DNAH6: variants seen among roughly 807,000 people sequenced by gnomAD.
The protein encoded by DNAH6 is axonemal beta dynein heavy chain 6.
Under a neutral mutation model 491.4 loss-of-function variants are expected in DNAH6, and 340 were observed. The observed-to-expected ratio is 0.69, with a 90% confidence interval of 0.63 to 0.76. DNAH6 has a LOEUF of 0.76. Among genes scored for constraint, DNAH6 ranks in the 30% least tolerant of loss-of-function variants. DNAH6 has a pLI of 0.00. For synonymous variants in DNAH6, 1,603 were observed against 1,686.1 expected (o/e 0.95, Z 1.21); for missense variants, 4,443 against 4,972.2 (o/e 0.89, Z 3.20).
Position 84,604,320 on chromosome 2 carries a change from G to A in DNAH6, c.2869-19G>A. The A allele has an allele frequency of 6.5e-7, 1 of 1,536,550 alleles. No individual in the cohort carries two copies. ...TTAAGATAAAAAGCTTCATGTCTCT[G>A]AGAGTGTTTGTTTTTCAGCTTCCAG... On this transcript the variant is annotated intron_variant, in intron 18 of 76. Transcript: ENST00000389394.
intron 29 of DNAH6, among the ~76,000 whole-genome samples, chr2:84,628,272 A>G (rs1015582009): frequency 1.3e-5 from 2 of 152,158 alleles, no homozygotes; most frequent in Non-Finnish European, 2.9e-5. Context: ...TTCTAAGCAA[A>G]ACAAGATTGT....
chr2:84,747,731 G>A (rs1454595285), intron 63 of DNAH6, among the ~76,000 whole-genome samples: 2 of 152,184 alleles, frequency 1.3e-5, no homozygotes, highest in Non-Finnish European at 2.9e-5. Flanking sequence ...TCTCTATGGG[G>A]ATCCCACCCC....
chr2:84,813,268 C>G, intron 74 of DNAH6, 138 bp downstream of exon 74: 1 of 667,748 alleles, frequency 1.5e-6, no homozygotes, highest in South Asian at 1.9e-5. Context: ...CTAACAAGGT[C>G]GTGCTCTTCC....
intron 16 of DNAH6, among the ~76,000 whole-genome samples, chr2:84,590,394 C>G (rs1683996203): frequency 6.7e-6 from 1 of 150,004 alleles, no homozygotes; most frequent in South Asian, 2.1e-4. Flanking sequence ...ACTTGGGAGG[C>G]TGAGGCAGGA....
intron 63 of DNAH6, chr2:84,751,338 G>A (rs1014926449): frequency 3.3e-5 from 5 of 152,202 alleles, no homozygotes; most frequent in Admixed American, 6.5e-5. Flanking sequence ...GTTCACAAGC[G>A]GAGCTTATTG....
chr2:84,620,026 T>G, intron 24 of DNAH6, 122 bp downstream of exon 24: 2 of 893,008 alleles, frequency 2.2e-6, no homozygotes, highest in African/African-American at 3.4e-5. Flanking sequence ...CAAGATAAAA[T>G]TCTTGCCCTC....
chr2:84,525,242 A>C (rs922198641), intron 2 of DNAH6, among the ~76,000 whole-genome samples: 6 of 152,122 alleles, frequency 3.9e-5, no homozygotes, highest in African/African-American at 1.4e-4. Flanking sequence ...TAGCAGTATT[A>C]GTAAATGATG....
At chr2:84,758,724 A>T (rs1674289626) in intron 63 of DNAH6, among the ~76,000 whole-genome samples, 1 of 152,218 alleles carries the variant, frequency 6.6e-6, no homozygotes, top group Non-Finnish European at 1.5e-5. Flanking sequence ...TCAGAAAAGC[A>T]TTGATAAAAT....
chr2:84,694,122 T>A (rs924226096), intron 45 of DNAH6, 127 bp from the exon 46 acceptor site: 8 of 749,004 alleles, frequency 1.1e-5, no homozygotes, highest in Admixed American at 2.6e-5. Context: ...CAGCCTGCTC[T>A]TCCCTTGCAG....
intron 34 of DNAH6, among the ~76,000 whole-genome samples, chr2:84,654,104 GAGAGAGAA>G (rs1277587505): frequency 6.6e-6 from 1 of 152,064 alleles, no homozygotes; most frequent in Non-Finnish European, 1.5e-5. Context: ...GAGAGAGGGA[GAGAGAGAA>G]AGAGAGAGAG....
intron 18 of DNAH6, among the ~76,000 whole-genome samples, chr2:84,601,868 C>T (rs1367235158): frequency 6.6e-6 from 1 of 151,752 alleles, no homozygotes; most frequent in East Asian, 1.9e-4. Flanking sequence ...ATTCATACCA[C>T]TTTTTCAATA....
chr2:84,461,930 G>A, the DNAH6 span, among the ~76,000 whole-genome samples: 3 of 152,120 alleles, frequency 2.0e-5, no homozygotes, highest in African/African-American at 7.2e-5. Flanking sequence ...CATCCCAGCC[G>A]GCTCAGATAA....
rs80004176 is a variant in DNAH6 at position 84,566,781 on chromosome 2, T to C, written c.1804-6686T>C. On this transcript the variant is annotated intron_variant, in intron 11 of 76. Coordinates refer to ENST00000389394, the MANE Select transcript of DNAH6 (RefSeq NM_001370.2). ...ACACTCTATAATTAAAAGAACGTGG[T>C]ACTGGCACATGAATAGCTGTCAGAC... 6.0e-3 allele frequency among the ~76,000 whole-genome samples: 918 copies of C among 152,204 alleles called. 5 individuals carry two copies. The highest frequency in any genetic ancestry group is 9.2e-3 in the Non-Finnish European group (628 of 67,920).
the DNAH6 span, among the ~76,000 whole-genome samples, chr2:84,464,225 C>T: frequency 6.6e-6 from 1 of 152,222 alleles, no homozygotes; most frequent in South Asian, 2.1e-4. Flanking sequence ...TCAGCTCTCT[C>T]TGGGCTCTTC....
At chr2:84,789,376 A>G (rs567761709) in intron 68 of DNAH6, among the ~76,000 whole-genome samples, 15 of 152,366 alleles carry the variant, frequency 9.8e-5, no homozygotes, top group South Asian at 4.1e-4. Context: ...TCTTACATCC[A>G]GATCAGAGGC....
intron 9 of DNAH6, 150 bp downstream of exon 9, chr2:84,550,207 C>T: frequency 4.7e-6 from 3 of 640,068 alleles, no homozygotes; most frequent in Middle Eastern, 8.7e-4. Context: ...ACACCAGAGA[C>T]CAGTTTCATG....
At chr2:84,776,932 A>G (rs1338559022) in intron 64 of DNAH6, among the ~76,000 whole-genome samples, 1 of 152,234 alleles carries the variant, frequency 6.6e-6, no homozygotes, top group Non-Finnish European at 1.5e-5. Flanking sequence ...GGATGAGTTC[A>G]TGTCCTTTGT....
chr2:84,620,015 C>T (rs984256254), intron 24 of DNAH6, 111 bp downstream of exon 24: 2 of 976,106 alleles, frequency 2.0e-6, no homozygotes, highest in Non-Finnish European at 3.0e-6. Flanking sequence ...TCAAGGATAA[C>T]CAAGATAAAA....
chr2:84,602,861 C>G (rs543454818), intron 18 of DNAH6, among the ~76,000 whole-genome samples: 18 of 145,546 alleles, frequency 1.2e-4, no homozygotes, highest in Admixed American at 9.0e-4. Context: ...TTTATACTCA[C>G]TTATCTTCAA....
Sources: gnomAD v4.1 joint callset for allele counts (sites outside exome capture counted in the v4.1 genomes callset) on GRCh38, gnomAD v4.1.1 for gene constraint, MANE v1.5 for transcripts, NCBI Gene and HGNC (gene_info 2026-07-23, HGNC 2026-07-21) for gene names.